The following CLEC17A variants were observed in gnomAD, a reference collection of about 807,000 sequenced individuals.
The protein encoded by CLEC17A is C-type lectin domain family 17, member A.
A neutral mutation model predicts 61.3 loss-of-function variants in CLEC17A; 37 were observed. That is an observed-to-expected ratio of 0.60 (90% CI 0.46 to 0.79). CLEC17A has a LOEUF of 0.79. Among genes scored for constraint, CLEC17A ranks in the 30% least tolerant of loss-of-function variants. The pLI is 0.00. For missense variants in CLEC17A, 418 were observed against 464.7 expected (o/e 0.90, Z 0.92); for synonymous variants, 168 against 164.9 (o/e 1.02, Z -0.14).
chr19:14,584,051 C>T (rs2074228084), intron 2 of CLEC17A: 1 of 134,388 alleles, frequency 7.4e-6, no homozygotes, highest in Admixed American at 7.8e-5. Flanking sequence ...GGCAACATAG[C>T]AAGACCCTAT....
chr19:14,591,578 GA>G (rs2074420560), intron 3 of CLEC17A, among the ~76,000 whole-genome samples: 1 of 139,174 alleles, frequency 7.2e-6, no homozygotes, highest in Non-Finnish European at 1.5e-5. Context: ...TTTTGAGACA[GA>G]ATCTCACTCT....
chr19:14,585,884 G>C (rs979915591), intron 2 of CLEC17A, among the ~76,000 whole-genome samples: 1 of 148,550 alleles, frequency 6.7e-6, no homozygotes, highest in African/African-American at 2.5e-5. Context: ...TGGGGTAATT[G>C]GTTGTGCAGC....
rs569368228 is a variant in CLEC17A at position 14,597,774 on chromosome 19, A to T, written c.646+613A>T. Among the ~76,000 whole-genome samples, 369 of 150,512 alleles carry T rather than the reference A, an allele frequency of 2.5e-3. 2 individuals carry two copies. The highest frequency in any genetic ancestry group is 7.8e-3 in the African/African-American group (321 of 41,114). Reference sequence around the variant, plus strand: ...GCCATCACACCCGGCTGGTTAAAAAATTTTTTTTTTGTATAGAAGAGGTCT... The same window carrying T: ...GCCATCACACCCGGCTGGTTAAAAATTTTTTTTTTTGTATAGAAGAGGTCT... On this transcript the variant is annotated intron_variant, in intron 10 of 13. Transcript: ENST00000417570.
chr19:14,602,748 T>G (rs1300920235), intron 12 of CLEC17A, among the ~76,000 whole-genome samples: 2 of 152,142 alleles, frequency 1.3e-5, no homozygotes, highest in East Asian at 1.9e-4. Flanking sequence ...ACAGTTTTTT[T>G]TTTTTGAGAT....
At chr19:14,582,024 G>C (rs1368396730), upstream of CLEC17A, among the ~76,000 whole-genome samples, 3 of 152,158 alleles carry the variant, frequency 2.0e-5, no homozygotes, top group African/African-American at 2.4e-5. Flanking sequence ...TTCATGGGCT[G>C]GGCCATGCTT....
At chr19:14,609,925 A>G (rs932788354) in intron 13 of CLEC17A, 139 bp from the exon 14 acceptor site, 1 of 626,358 alleles carries the variant, frequency 1.6e-6, no homozygotes. Flanking sequence ...CCCGGCTTAC[A>G]GGTGTAAGGC....
At chr19:14,591,194 G>C (rs759118909) in intron 3 of CLEC17A, among the ~76,000 whole-genome samples, 2 of 149,014 alleles carry the variant, frequency 1.3e-5, no homozygotes, top group Non-Finnish European at 1.5e-5. Context: ...TTGCTCTGTC[G>C]CCCAGGCTGG....
rs770517338 is a variant in CLEC17A at position 14,583,357 on chromosome 19, G to A, written c.44G>A (p.Gly15Glu). Residue 15 changes from glycine (G) to glutamate (E), a missense_variant and splice_region_variant, in exon 2 of 14, where the codon GGG becomes GAG. Coordinates refer to ENST00000417570, the MANE Select transcript of CLEC17A (RefSeq NM_001204118.2). ...CTCTGACTTGCCTTTCCCCTGGAAGGGACCATGGAGGAGGAGGAGGAGGAT... is the reference window on the plus strand; with the variant it reads ...CTCTGACTTGCCTTTCCCCTGGAAGAGACCATGGAGGAGGAGGAGGAGGAT... ...YSITGYPDPPGTMEEEEEDDD... is the reference protein window; with the variant it reads ...YSITGYPDPPETMEEEEEDDD... 2.5e-6 allele frequency: 4 copies of A among 1,608,652 alleles called. No homozygotes were observed. The highest frequency in any genetic ancestry group is 1.4e-5 in the African/African-American group (1 of 73,890).
At chr19:14,585,146 GT>G (rs1479185169) in intron 2 of CLEC17A, among the ~76,000 whole-genome samples, 1 of 152,212 alleles carries the variant, frequency 6.6e-6, no homozygotes, top group African/African-American at 2.4e-5. Flanking sequence ...CTGCTCATTA[GT>G]TTTTATGAGA....
At chr19:14,582,403 G>A (rs1265087555), upstream of CLEC17A, among the ~76,000 whole-genome samples, 2 of 151,558 alleles carry the variant, frequency 1.3e-5, no homozygotes, top group Non-Finnish European at 2.9e-5. Context: ...TAGTGGAGAC[G>A]GAGTTTCACT....
chr19:14,585,916 C>T (rs1316661798), intron 2 of CLEC17A, among the ~76,000 whole-genome samples: 1 of 150,136 alleles, frequency 6.7e-6, no homozygotes, highest in East Asian at 1.9e-4. Flanking sequence ...GACCCAGTGC[C>T]CTGGTACTTC....
chr19:14,599,181 G>A lies in CLEC17A; in HGVS notation c.647-536G>A, dbSNP rs538529970. Among the ~76,000 whole-genome samples the A allele has an allele frequency of 1.2e-3, 172 of 138,748 alleles. 1 individual carries two copies. Among genetic ancestry groups the A allele is most frequent in the Middle Eastern group, 0.012 (3 of 244 alleles). The allele number at this position is 138,748 out of a possible 152,430, so 91.0% of individuals were successfully genotyped here. On this transcript the variant is annotated intron_variant, in intron 10 of 13. Coordinates refer to ENST00000417570, the MANE Select transcript of CLEC17A (RefSeq NM_001204118.2). ...TGGCTCACTGCAACCTCTGCCTTCC[G>A]GGTTCAAGTGATTCTCCTGCCTCAG...
chr19:14,603,807 C>A (rs2074785180), intron 12 of CLEC17A, among the ~76,000 whole-genome samples: 1 of 152,150 alleles, frequency 6.6e-6, no homozygotes, highest in Non-Finnish European at 1.5e-5. Flanking sequence ...CCAACATTTC[C>A]TGAGCACCTA....
rs375726807 is a variant in CLEC17A at position 14,593,878 on chromosome 19, C to T, written c.278-639C>T. On this transcript the variant is annotated intron_variant, in intron 4 of 13. Transcript: ENST00000417570. The stretch of plus-strand genomic sequence containing the variant: ...TTGGGAGACTGAGGCAGGAGAATGG[C>T]GTGAACCTGGGAGGCGGAGGTTGCA... Among the ~76,000 whole-genome samples, 6 of 152,054 alleles carry T rather than the reference C, an allele frequency of 3.9e-5. No individual in the cohort carries two copies. In the East Asian group the frequency reaches 9.6e-4, roughly 24 times the overall value.
chr19:14,595,889 A>G (rs375041225), intron 8 of CLEC17A, among the ~76,000 whole-genome samples: 413 of 31,120 alleles, frequency 0.013, 1 homozygote, highest in African/African-American at 0.038. Flanking sequence ...GATGGTGATG[A>G]TGATAGTGGT....
chr19:14,592,456 T>C, intron 4 of CLEC17A, 98 bp downstream of exon 4: 1 of 1,564,122 alleles, frequency 6.4e-7, no homozygotes. Flanking sequence ...CAGTCTCCTC[T>C]GTATCCAGCC....
intron 2 of CLEC17A, among the ~76,000 whole-genome samples, chr19:14,583,819 G>T (rs921460443): frequency 3.9e-5 from 6 of 152,180 alleles, no homozygotes; most frequent in Non-Finnish European, 7.4e-5. Flanking sequence ...ACTGGGAGTG[G>T]ACTGTGGGCT....
chr19:14,582,059 T>A (rs2074188286), upstream of CLEC17A, among the ~76,000 whole-genome samples: 1 of 152,218 alleles, frequency 6.6e-6, no homozygotes. Context: ...AGCGTGAGAA[T>A]CCATTTTCTT....
intron 3 of CLEC17A, 60 bp from the exon 4 acceptor site, chr19:14,592,221 G>A: frequency 6.6e-7 from 1 of 1,503,996 alleles, no homozygotes. Flanking sequence ...CAGAGACCAG[G>A]GCTTGAGGGA....
Sources: gnomAD v4.1 joint callset for allele counts (sites outside exome capture counted in the v4.1 genomes callset) on GRCh38, gnomAD v4.1.1 for gene constraint, MANE v1.5 for transcripts, NCBI Gene and HGNC (gene_info 2026-07-23, HGNC 2026-07-21) for gene names.